Variants in KIAA1549 observed in about 807,000 individuals in gnomAD.
KIAA1549 encodes KIAA1549.
In KIAA1549, 70 loss-of-function variants were observed where a neutral mutation model predicts 156.4. The observed-to-expected ratio is 0.45, with a 90% CI of 0.37 to 0.55. The LOEUF is 0.55. Ranked by LOEUF, KIAA1549 falls within the 20% of genes least tolerant of loss-of-function variation. The probability of loss-of-function intolerance (pLI) is 0.00; values close to 1 mark genes in which losing one functional copy is unlikely to be tolerated. For missense variants in KIAA1549, 2,428 were observed against 2,540.9 expected, an observed-to-expected ratio of 0.96 and a Z score of 0.96; for synonymous variants, 1,103 against 1,066.4, an observed-to-expected ratio of 1.03 and a Z score of -0.67.
intron 7 of KIAA1549, among the ~76,000 whole-genome samples, chr7:138,904,695 C>T (rs1195820606): frequency 6.9e-6 from 1 of 145,468 alleles, no homozygotes; most frequent in Non-Finnish European, 1.5e-5. Flanking sequence ...ACAAATAACA[C>T]TTTTAGAAAA....
rs530535338 is a variant in KIAA1549, at chr7:138,843,764, A to C, written c.5452+553T>G. Among the ~76,000 whole-genome samples the C allele has an allele frequency of 9.6e-4, 147 of 152,364 alleles. 4 individuals carry two copies. The South Asian group carries it at 0.03, about 31-fold the overall frequency. ...GCAAAGCAAAGCACCTGTAAAGTTC[A>C]GGAAAACCTACAGGATTCCAGGACA... is the stretch of plus-strand genomic sequence containing the variant. On this transcript the variant is annotated intron_variant, in intron 18 of 19. Transcript: ENST00000422774.
chr7:138,967,710 C>T (rs1031509134), intron 1 of KIAA1549, among the ~76,000 whole-genome samples: 1 of 152,068 alleles, frequency 6.6e-6, no homozygotes, highest in Non-Finnish European at 1.5e-5. Flanking sequence ...AAAAAACACT[C>T]AATAGTGCAA....
At chr7:138,842,959 G>A (rs1456843376) in intron 18 of KIAA1549, among the ~76,000 whole-genome samples, 1 of 152,110 alleles carries the variant, frequency 6.6e-6, no homozygotes, top group African/African-American at 2.4e-5. Context: ...CAATATTTTG[G>A]ATTTTAGGAG....
intron 16 of KIAA1549, among the ~76,000 whole-genome samples, chr7:138,858,542 T>C (rs562531338): frequency 3.9e-5 from 6 of 152,198 alleles, no homozygotes; most frequent in African/African-American, 1.4e-4. Flanking sequence ...TGGGTTTAGA[T>C]GTTATGGTTT....
At position 138,881,497 on chromosome 7, in the gene KIAA1549, G is replaced by A; in HGVS notation, c.4120C>T (p.Pro1374Ser). Reference sequence around the variant, plus strand: ...TTCAGAGGTCCTGGCAGTGGCGCTGGCTCATGAATAATCAATATGTCGTCT... The same window carrying A: ...TTCAGAGGTCCTGGCAGTGGCGCTGACTCATGAATAATCAATATGTCGTCT... ...NKDDILIIHE[P>S]APLPGPLKDH... is the part of the protein sequence containing the mutation. Residue 1374 changes from proline (P) to serine (S), a missense_variant, in exon 11 of 20, where the codon CCA becomes TCA. Around this residue, in one of 5 missense-constraint regions of KIAA1549, gnomAD observed 762 missense variants for 901.6 expected, o/e 0.85. Transcript: ENST00000422774. 6.2e-7 allele frequency: 1 copy of A among 1,614,014 alleles called. No homozygotes were observed. Among genetic ancestry groups the A allele is most frequent in the Non-Finnish European group, 8.5e-7 (1 of 1,179,878 alleles).
intron 2 of KIAA1549, 135 bp from the exon 3 acceptor site, chr7:138,912,595 C>A: frequency 2.9e-6 from 2 of 698,286 alleles, no homozygotes; most frequent in South Asian, 3.3e-5. Context: ...AAAGGCCAGA[C>A]CAAGACAGAA....
At chr7:138,912,499 C>A in intron 2 of KIAA1549, 39 bp from the exon 3 acceptor site, 1 of 1,516,964 alleles carries the variant, frequency 6.6e-7, no homozygotes, top group South Asian at 1.1e-5. Flanking sequence ...CTTTTCATGT[C>A]ATTATGAATA....
intron 3 of KIAA1549, among the ~76,000 whole-genome samples, chr7:138,912,160 C>A (rs1450009673): frequency 6.6e-6 from 1 of 152,222 alleles, no homozygotes; most frequent in Non-Finnish European, 1.5e-5. Flanking sequence ...AAAGGACTAA[C>A]CCTGACCTCA....
At chr7:138,958,841 A>G (rs1177813916) in intron 1 of KIAA1549, among the ~76,000 whole-genome samples, 1 of 152,100 alleles carries the variant, frequency 6.6e-6, no homozygotes, top group Non-Finnish European at 1.5e-5. Flanking sequence ...CAGTTACACA[A>G]TTCGAGATAT....
At chr7:138,916,072 C>T (rs1178161025) in intron 2 of KIAA1549, among the ~76,000 whole-genome samples, 1 of 152,206 alleles carries the variant, frequency 6.6e-6, no homozygotes, top group Non-Finnish European at 1.5e-5. Context: ...TTAGTCACTA[C>T]TTTTCTTTCC....
chr7:138,978,657 C>T (rs1310294832), intron 1 of KIAA1549, among the ~76,000 whole-genome samples: 1 of 152,158 alleles, frequency 6.6e-6, no homozygotes, highest in Non-Finnish European at 1.5e-5. Context: ...TTTCAGACAG[C>T]CACGGAAGGG....
intron 1 of KIAA1549, among the ~76,000 whole-genome samples, chr7:138,926,332 G>T (rs1198203732): frequency 6.6e-6 from 1 of 151,998 alleles, no homozygotes; most frequent in Non-Finnish European, 1.5e-5. Flanking sequence ...TGTCAGCCAG[G>T]CTGGAGTGCA....
At chr7:138,871,412 C>T (rs773839883) in intron 12 of KIAA1549, 50 bp from the exon 13 acceptor site, 1 of 1,437,192 alleles carries the variant, frequency 7.0e-7, no homozygotes, top group Non-Finnish European at 9.3e-7. Flanking sequence ...TCTAAAGAAA[C>T]AGCAACTAAT....
At chr7:138,956,658 T>A (rs1431395366) in intron 1 of KIAA1549, among the ~76,000 whole-genome samples, 1 of 152,196 alleles carries the variant, frequency 6.6e-6, no homozygotes, top group East Asian at 1.9e-4. Context: ...TGATGCCTCC[T>A]CAGCCACATG....
intron 1 of KIAA1549, among the ~76,000 whole-genome samples, chr7:138,936,934 G>A (rs1045419821): frequency 1.3e-5 from 2 of 152,108 alleles, no homozygotes; most frequent in African/African-American, 4.8e-5. Context: ...TCCATCTGGA[G>A]TTTTCTAACG....
rs766782097 is a variant in KIAA1549 at position 138,917,489 on chromosome 7, G to A, written c.2137C>T (p.Arg713Cys). ...CTTGACCATGGTGACACCTCAGAAC[G>A]GCTAGGTAGCAACATGATGGTGTTT... The part of the protein sequence containing the change: ...PLNTIMLLPS[R>C]SEVSPWSSFP... The change falls in exon 2 of 20, where the codon CGT (arginine) becomes TGT (cysteine). Residue 713 changes from arginine to cysteine, a missense_variant. By Grantham distance (180) the Arg-to-Cys change is radical (BLOSUM62 -3). Transcript: ENST00000422774. The A allele has an allele frequency of 5.0e-5, 81 of 1,613,554 alleles. No individual in the cohort carries two copies. Among genetic ancestry groups the A allele is most frequent in the Non-Finnish European group, 5.8e-5 (69 of 1,179,828 alleles).
intron 18 of KIAA1549, 45 bp downstream of exon 18, chr7:138,844,271 TA>T: frequency 1.2e-6 from 2 of 1,610,834 alleles, no homozygotes; most frequent in Non-Finnish European, 1.7e-6. Flanking sequence ...TTCTTTCAAG[TA>T]AATGTCCCGT....
intron 15 of KIAA1549, among the ~76,000 whole-genome samples, chr7:138,864,653 T>C (rs1299601987): frequency 2.0e-5 from 3 of 152,258 alleles, no homozygotes; most frequent in African/African-American, 7.2e-5. Context: ...TTAGCAGTCC[T>C]TTGTGGGTGT....
At chr7:138,840,793 C>T (rs187312979) in intron 18 of KIAA1549, among the ~76,000 whole-genome samples, 19 of 152,256 alleles carry the variant, frequency 1.2e-4, no homozygotes, top group African/African-American at 4.1e-4. Context: ...TGAGGGTGAC[C>T]CCTCCTCCCT....
Sources: gnomAD v4.1 joint callset for allele counts (sites outside exome capture counted in the v4.1 genomes callset) on GRCh38, gnomAD v4.1.1 for gene constraint, gnomAD v4.1.1 regional missense constraint, MANE v1.5 for transcripts, NCBI Gene and HGNC (gene_info 2026-07-23, HGNC 2026-07-21) for gene names.